Variants in KHDC1 observed in about 807,000 individuals in gnomAD.
KHDC1 encodes KH homology domain-containing protein 1.
A neutral mutation model predicts 24.7 loss-of-function variants in KHDC1; 21 were observed. The observed-to-expected ratio is 0.85, with a 90% CI of 0.60 to 1.23. The LOEUF (loss-of-function observed/expected upper bound fraction) is 1.23, where lower values mean the gene tolerates loss of function less well. Among genes scored for constraint, KHDC1 ranks in the 50% most tolerant of loss-of-function variants. The pLI is 0.00. For synonymous variants in KHDC1, 98 were observed against 111.7 expected (o/e 0.88, Z 0.77); for missense variants, 274 against 298.5 (o/e 0.92, Z 0.61).
intron 2 of KHDC1, among the ~76,000 whole-genome samples, chr6:73,252,256 C>G (rs1030710193): frequency 2.0e-5 from 3 of 152,032 alleles, no homozygotes; most frequent in African/African-American, 7.2e-5. Context: ...GTTGCCCAGG[C>G]TGGTCTCTAA....
chr6:73,278,754 G>A (rs1289749266), intron 2 of KHDC1, among the ~76,000 whole-genome samples: 1 of 152,108 alleles, frequency 6.6e-6, no homozygotes, highest in Admixed American at 6.6e-5. Context: ...ATCATGGTAT[G>A]TATGCATAGG....
At chr6:73,265,261 ACT>A (rs1446045632) in intron 2 of KHDC1, among the ~76,000 whole-genome samples, 2 of 152,214 alleles carry the variant, frequency 1.3e-5, no homozygotes, top group Admixed American at 1.3e-4. Flanking sequence ...TGAAGTAGTA[ACT>A]CTGTCTGTAC....
chr6:73,260,895 T>G (rs1162355118), intron 2 of KHDC1, among the ~76,000 whole-genome samples: 1 of 152,228 alleles, frequency 6.6e-6, no homozygotes, highest in Non-Finnish European at 1.5e-5. Flanking sequence ...TGCCCATTTC[T>G]CTGTAGGGTT....
chr6:73,278,468 C>T (rs997220601), intron 2 of KHDC1, among the ~76,000 whole-genome samples: 1 of 152,210 alleles, frequency 6.6e-6, no homozygotes, highest in Non-Finnish European at 1.5e-5. Flanking sequence ...AAACAATTCT[C>T]CTGCCTTGGC....
rs373897993 is a variant in KHDC1, at chr6:73,242,370, A to T, written c.331+36T>A. On this transcript the variant is annotated intron_variant, in intron 3 of 4. Transcript: ENST00000370384. ...AGGAAGAGTGAAAACTGAGAAGACAAGGATGAAGAAGGGGACGTGGGCAAA... is the reference window on the plus strand; with the variant it reads ...AGGAAGAGTGAAAACTGAGAAGACATGGATGAAGAAGGGGACGTGGGCAAA... 4.6e-5 allele frequency: 75 copies of T among 1,613,606 alleles called. No homozygotes were observed. In the Middle Eastern group the frequency reaches 4.9e-4, roughly 11 times the overall value.
At chr6:73,244,566 T>C (rs1766629363) in intron 2 of KHDC1, among the ~76,000 whole-genome samples, 1 of 151,920 alleles carries the variant, frequency 6.6e-6, no homozygotes, top group Admixed American at 6.6e-5. Context: ...TTTTTGTTAG[T>C]GGAATCAGGT....
At chr6:73,269,111 C>T (rs58086694) in intron 2 of KHDC1, 2,397 of 154,258 alleles carry the variant, frequency 0.016, 25 homozygotes, top group East Asian at 0.055. Flanking sequence ...CAGCCGCTGG[C>T]CCGGGTGCTA....
At chr6:73,268,508 A>G (rs1767116252) in intron 2 of KHDC1, 1 of 152,096 alleles carries the variant, frequency 6.6e-6, no homozygotes, top group Admixed American at 6.6e-5. Flanking sequence ...ATCTGGCCCC[A>G]CCCACGTCCT....
chr6:73,272,862 CTTTTTTTTTTT>C (rs1290318722), intron 2 of KHDC1, among the ~76,000 whole-genome samples: 1 of 109,008 alleles, frequency 9.2e-6, no homozygotes, highest in Non-Finnish European at 1.8e-5. Context: ...TTTTCTTTTT[CTTTTTTTTTTT>C]TTGGAGATGG....
intron 2 of KHDC1, among the ~76,000 whole-genome samples, chr6:73,285,665 T>A (rs1434116645): frequency 2.1e-5 from 3 of 145,406 alleles, no homozygotes; most frequent in African/African-American, 7.8e-5. Flanking sequence ...TTTTTTTTTT[T>A]ATTATACTCT....
intron 2 of KHDC1, 25 bp downstream of exon 1, chr6:73,262,749 G>T (rs907204509): frequency 1.2e-4 from 116 of 985,336 alleles, no homozygotes; most frequent in Admixed American, 6.1e-5. Context: ...AGTAAGAAAT[G>T]TGCAAGATCT....
chr6:73,243,068 T>C (rs1416970143), intron 2 of KHDC1, among the ~76,000 whole-genome samples: 3 of 152,074 alleles, frequency 2.0e-5, no homozygotes, highest in Non-Finnish European at 2.9e-5. Flanking sequence ...CTAAGGAGTG[T>C]TTAGGGTGTA....
chr6:73,284,720 A>G (rs1010093912), intron 2 of KHDC1: 12 of 152,174 alleles, frequency 7.9e-5, no homozygotes, highest in African/African-American at 2.9e-4. Flanking sequence ...CTCACCTGCC[A>G]GGCTCAAACT....
intron 1 of KHDC1, among the ~76,000 whole-genome samples, chr6:73,303,313 T>G (rs1255388232): frequency 6.6e-6 from 1 of 151,932 alleles, no homozygotes; most frequent in Non-Finnish European, 1.5e-5. Context: ...TCCATGAAGG[T>G]TCCCATTGAT....
rs78574858 is a variant in KHDC1, at chr6:73,286,549, G to A, written c.206+5449C>T. On this transcript the variant is annotated intron_variant, in intron 2 of 4. Coordinates refer to ENST00000370384, the Ensembl canonical transcript of KHDC1. ...TAAAAATAATTACAAAGATGAGCAT[G>A]CAGAATGTGTTATGACAAAGAGCAA... Among the ~76,000 whole-genome samples the A allele has an allele frequency of 1.0e-2, 1,518 of 152,236 alleles. 30 individuals are homozygous for A. Among genetic ancestry groups the A allele is most frequent in the African/African-American group, 0.035 (1,445 of 41,542 alleles).
intron 2 of KHDC1, chr6:73,275,918 C>T (rs2254630): frequency 0.28 from 42,291 of 152,672 alleles, 6,518 homozygotes; most frequent in African/African-American, 0.41. Context: ...ACGGGCCAGG[C>T]GCGGTGGCTC....
chr6:73,309,816 ACGGAG>A, exon 1 of KHDC1: 2 of 1,383,426 alleles, frequency 1.4e-6, no homozygotes, highest in South Asian at 2.7e-5. Context: ...CCAGACACCG[ACGGAG>A]AAGCGAAGTT....
chr6:73,253,820 T>C (rs1766826666), intron 2 of KHDC1, among the ~76,000 whole-genome samples: 2 of 152,020 alleles, frequency 1.3e-5, no homozygotes, highest in Admixed American at 6.6e-5. Flanking sequence ...GGTGGGAAGA[T>C]AACTGGAGCC....
In KHDC1 at chr6:73,242,514, C is replaced by T. The variant is rs373331186; in HGVS notation, c.223G>A (p.Asp75Asn). ...TTGCTGAGAGCACTCGTTCCCATGT[C>T]CATGCTCTGCTCCGACCTGATACAG... is the stretch of plus-strand genomic sequence containing the variant. Residue 75 changes from aspartate to asparagine, a missense_variant, in exon 3 of 5, where the codon GAC (aspartate) becomes AAC (asparagine). Coordinates refer to ENST00000370384, the Ensembl canonical transcript of KHDC1. 271 of 1,614,026 alleles carry T rather than the reference C, an allele frequency of 1.7e-4. No homozygotes were observed. Among genetic ancestry groups the T allele is most frequent in the Non-Finnish European group, 2.2e-4 (257 of 1,180,014 alleles).
Sources: gnomAD v4.1 joint callset for allele counts (sites outside exome capture counted in the v4.1 genomes callset) on GRCh38, gnomAD v4.1.1 for gene constraint, MANE v1.5 for transcripts, NCBI Gene and HGNC (gene_info 2026-07-23, HGNC 2026-07-21) for gene names.